Variants in MLLT10 observed in about 807,000 individuals in gnomAD.
MLLT10 encodes the protein protein AF-10.
A neutral mutation model predicts 129.1 loss-of-function variants in MLLT10; 30 were observed. The ratio of observed to expected loss-of-function variants is 0.23; its 90% CI spans 0.17 to 0.32. The LOEUF is 0.32. Ranked by LOEUF, MLLT10 falls within the 10% of genes least tolerant of loss-of-function variation. The pLI is 1.00. For missense variants in MLLT10, 1,119 were observed against 1,268.3 expected, an observed-to-expected ratio of 0.88 and a Z score of 1.79; for synonymous variants, 490 against 446.4, an observed-to-expected ratio of 1.10 and a Z score of -1.23.
chr10:21,575,858 C>T (rs1052931090), intron 3 of MLLT10, among the ~76,000 whole-genome samples: 3 of 152,106 alleles, frequency 2.0e-5, no homozygotes, highest in Admixed American at 2.0e-4. Context: ...CATTGTCTGA[C>T]TTACTGTGAA....
chr10:21,651,112 C>G (rs1403238945), intron 8 of MLLT10, among the ~76,000 whole-genome samples: 4 of 151,932 alleles, frequency 2.6e-5, no homozygotes, highest in Admixed American at 2.6e-4. Context: ...CACACTGTTG[C>G]CCAGGCTCGG....
intron 13 of MLLT10, among the ~76,000 whole-genome samples, chr10:21,706,742 C>G (rs2055546415): frequency 6.6e-6 from 1 of 152,056 alleles, no homozygotes; most frequent in Non-Finnish European, 1.5e-5. Flanking sequence ...TCTTATTTAC[C>G]AATCTTGTGT....
chr10:21,590,681 T>C (rs563478567), intron 4 of MLLT10, among the ~76,000 whole-genome samples: 1 of 152,284 alleles, frequency 6.6e-6, no homozygotes, highest in Non-Finnish European at 1.5e-5. Context: ...TTGCTAGCAA[T>C]GGTAGTAATT....
chr10:21,589,521 A>G (rs1348288032), intron 4 of MLLT10, among the ~76,000 whole-genome samples: 2 of 151,878 alleles, frequency 1.3e-5, no homozygotes, highest in Non-Finnish European at 2.9e-5. Context: ...AATATTTCCT[A>G]TTCTGGTTTG....
intron 13 of MLLT10, among the ~76,000 whole-genome samples, chr10:21,684,545 T>G (rs1480380258): frequency 6.6e-6 from 1 of 152,206 alleles, no homozygotes; most frequent in Non-Finnish European, 1.5e-5. Flanking sequence ...TAACTTCTTT[T>G]TCTTTTGTAT....
intron 20 of MLLT10, 55 bp from the exon 21 acceptor site, chr10:21,735,083 TC>T: frequency 7.8e-7 from 1 of 1,287,214 alleles, no homozygotes; most frequent in South Asian, 1.3e-5. Context: ...TTTTTAGACT[TC>T]TAAAAATGCA....
At chr10:21,541,670 G>A (rs928761844) in intron 3 of MLLT10, among the ~76,000 whole-genome samples, 1 of 152,126 alleles carries the variant, frequency 6.6e-6, no homozygotes, top group African/African-American at 2.4e-5. Context: ...ACAGGCGTGA[G>A]CTACCACGCC....
intron 9 of MLLT10, among the ~76,000 whole-genome samples, chr10:21,661,959 C>T (rs868331535): frequency 1.3e-5 from 2 of 151,754 alleles, no homozygotes. Flanking sequence ...TTTTGTCATT[C>T]ACAGCTTTTG....
At chr10:21,535,888 G>A (rs1376006159) in intron 2 of MLLT10, among the ~76,000 whole-genome samples, 1 of 152,232 alleles carries the variant, frequency 6.6e-6, no homozygotes, top group Non-Finnish European at 1.5e-5. Flanking sequence ...TGATGATTCT[G>A]AGGTAGTGTA....
chr10:21,560,679 C>T (rs1188285924), intron 3 of MLLT10, among the ~76,000 whole-genome samples: 1 of 152,044 alleles, frequency 6.6e-6, no homozygotes, highest in Non-Finnish European at 1.5e-5. Context: ...AACTTCTGGA[C>T]TCAAGCAATT....
intron 3 of MLLT10, among the ~76,000 whole-genome samples, chr10:21,583,395 G>A (rs1428205525): frequency 1.3e-5 from 2 of 152,122 alleles, no homozygotes; most frequent in African/African-American, 4.8e-5. Context: ...TTGATAGGGT[G>A]ATCAGAAAGG....
chr10:21,671,746 C>T (rs1336114165), intron 10 of MLLT10, among the ~76,000 whole-genome samples: 2 of 152,156 alleles, frequency 1.3e-5, no homozygotes, highest in Non-Finnish European at 2.9e-5. Context: ...GATTGCACTA[C>T]TGCACTTCAG....
rs758457114 is a variant in MLLT10 at position 21,730,869 on chromosome 10, T to G, written c.2064-31T>G. 3.1e-6 allele frequency: 5 copies of G among 1,613,634 alleles called. No homozygotes were observed. The Admixed American group carries it at 6.7e-5, about 22-fold the overall frequency. On this transcript the variant is annotated intron_variant, in intron 16 of 22. Transcript: ENST00000307729. The stretch of plus-strand genomic sequence containing the variant: ...CTGTACTCTCTTAAAAGCATTCCCC[T>G]TCTTTTTAACTTGAGAATTGTTTTC...
chr10:21,650,463 A>G (rs1302782180), intron 8 of MLLT10, among the ~76,000 whole-genome samples: 1 of 152,146 alleles, frequency 6.6e-6, no homozygotes, highest in East Asian at 1.9e-4. Context: ...AAAAGCAGAA[A>G]AAATGGCAGT....
rs397719980 is a variant in MLLT10 at position 21,673,318 on chromosome 10, CTTTTT to C, written c.1052-14_1052-10del. 1.1e-3 allele frequency: 345 copies of C among 307,276 alleles called. No individual in the cohort carries two copies. Among genetic ancestry groups the C allele is most frequent in the Middle Eastern group, 2.2e-3 (2 of 894 alleles). 19.0% of individuals were successfully genotyped at this position (307,276 alleles called of 1,614,324 possible). A position where few individuals can be genotyped will look rare whatever the true frequency, so the allele number is the denominator to read the frequency against. ...TTTTTCTGTCCCCCCCACCCCCCAA[CTTTTT>C]TTTTTTTTTTTTTTTTTAAACTACA... is the stretch of plus-strand genomic sequence containing the variant. On this transcript the variant is annotated intron_variant, in intron 10 of 22. Transcript: ENST00000307729.
At chr10:21,655,460 A>G (rs865841680) in intron 9 of MLLT10, among the ~76,000 whole-genome samples, 1 of 152,192 alleles carries the variant, frequency 6.6e-6, no homozygotes, top group East Asian at 1.9e-4. Context: ...AACTTTATTT[A>G]TGGACACTGG....
intron 3 of MLLT10, among the ~76,000 whole-genome samples, chr10:21,554,762 C>T (rs1218293958): frequency 6.7e-6 from 1 of 149,808 alleles, no homozygotes; most frequent in Admixed American, 6.7e-5. Context: ...GGCCCGGCCC[C>T]TTCACTTTAA....
intron 15 of MLLT10, 48 bp downstream of exon 15, chr10:21,726,403 T>G (rs1015265835): frequency 4.5e-6 from 6 of 1,342,842 alleles, no homozygotes; most frequent in Non-Finnish European, 6.3e-6. Context: ...CTCACCTACT[T>G]TAATTTTTTT....
rs1427703107 is a variant in MLLT10 at position 21,625,413 on chromosome 10, C to A, written c.699+8206C>A. On this transcript the variant is annotated intron_variant, in intron 8 of 22. Coordinates refer to ENST00000307729, the MANE Select transcript of MLLT10 (RefSeq NM_001195626.3). ...GACTTTTCCAATATTTCGTCTGTGC[C>A]CAAGTTTCTCACAAAGAATACTTTT... 27 of 834,186 alleles carry A rather than the reference C, an allele frequency of 3.2e-5. No individual in the cohort carries two copies. In the South Asian group the frequency reaches 3.8e-4, roughly 12 times the overall value. 51.7% of individuals were successfully genotyped at this position (834,186 alleles called of 1,614,324 possible).
Sources: gnomAD v4.1 joint callset for allele counts (sites outside exome capture counted in the v4.1 genomes callset) on GRCh38, gnomAD v4.1.1 for gene constraint, MANE v1.5 for transcripts, NCBI Gene and HGNC (gene_info 2026-07-23, HGNC 2026-07-21) for gene names.